The following GRIN2B variants were observed in gnomAD, a reference collection of about 807,000 sequenced individuals.
The protein encoded by GRIN2B is glutamate ionotropic receptor NMDA type subunit 2B.
A neutral mutation model predicts 114.5 loss-of-function variants in GRIN2B; 5 were observed. The ratio of observed to expected loss-of-function variants is 0.04; its 90% CI spans 0.02 to 0.09. The LOEUF (loss-of-function observed/expected upper bound fraction) is 0.09, where lower values mean the gene tolerates loss of function less well. GRIN2B is among the 10% of genes least tolerant of loss of function. GRIN2B has a pLI of 1.00. For missense variants in GRIN2B, 1,108 were observed against 1,943.5 expected, an observed-to-expected ratio of 0.57 and a Z score of 8.08; for synonymous variants, 787 against 745.1, an observed-to-expected ratio of 1.06 and a Z score of -0.92.
chr12:13,875,675 A>G (rs971137115), intron 2 of GRIN2B, among the ~76,000 whole-genome samples: 2 of 152,134 alleles, frequency 1.3e-5, no homozygotes, highest in Non-Finnish European at 2.9e-5. Flanking sequence ...AATAATAATC[A>G]TGTTGTTTTG....
intron 3 of GRIN2B, among the ~76,000 whole-genome samples, chr12:13,782,718 C>T (rs948814768): frequency 1.4e-4 from 22 of 152,278 alleles, no homozygotes; most frequent in South Asian, 4.1e-4. Context: ...TTCACTCAGG[C>T]GAATCAAACT....
At chr12:13,568,489 G>T (rs1385432999) in intron 12 of GRIN2B, among the ~76,000 whole-genome samples, 2 of 152,120 alleles carry the variant, frequency 1.3e-5, no homozygotes, top group African/African-American at 4.8e-5. Context: ...ATACCAAAAT[G>T]GCTTGGTAAC....
At chr12:13,614,558 G>C (rs918303773) in intron 8 of GRIN2B, among the ~76,000 whole-genome samples, 1 of 152,000 alleles carries the variant, frequency 6.6e-6, no homozygotes, top group African/African-American at 2.4e-5. Context: ...GGAGAGAATG[G>C]TATGGGGAGG....
chr12:13,564,451 T>A lies in GRIN2B; in HGVS notation c.2787A>T (p.Ser929=). The A allele has an allele frequency of 6.2e-7, 1 of 1,614,242 alleles. No homozygotes were observed. The highest frequency in any genetic ancestry group is 8.5e-7 in the Non-Finnish European group (1 of 1,180,026). ...GGTGCTCTGAGATGTCATAGACGGATGACTCCCGTCGGATGAAGTCCAGGG... is the reference window on the plus strand; with the variant it reads ...GGTGCTCTGAGATGTCATAGACGGAAGACTCCCGTCGGATGAAGTCCAGGG... ...QSALDFIRRE[S]SVYDISEHRR... is the part of the protein sequence containing the mutation. The change falls in exon 14 of 14, where the codon TCA becomes TCT. Residue 929 remains serine, a synonymous_variant. Transcript: ENST00000609686. The surrounding 1 kb of genome is among the most constrained non-coding windows in gnomAD (Gnocchi z 4.8).
chr12:13,952,410 T>C (rs1321855049), intron 2 of GRIN2B, among the ~76,000 whole-genome samples: 1 of 152,180 alleles, frequency 6.6e-6, no homozygotes, highest in Non-Finnish European at 1.5e-5. Context: ...TCCTCCTGAA[T>C]GGCATTACAG....
chr12:13,867,811 C>G (rs1420271711), intron 2 of GRIN2B, among the ~76,000 whole-genome samples: 2 of 150,916 alleles, frequency 1.3e-5, no homozygotes, highest in East Asian at 3.9e-4. Flanking sequence ...CAACCAGAAC[C>G]AAAACCAGAT....
At chr12:13,665,322 G>C (rs560493534) in intron 5 of GRIN2B, among the ~76,000 whole-genome samples, 2 of 151,644 alleles carry the variant, frequency 1.3e-5, no homozygotes, top group Non-Finnish European at 2.9e-5. Flanking sequence ...CACTGAAATA[G>C]CCAGTCACAG....
chr12:13,809,829 GTACTCT>G (rs1480589208), intron 3 of GRIN2B, among the ~76,000 whole-genome samples: 1 of 152,192 alleles, frequency 6.6e-6, no homozygotes, highest in Non-Finnish European at 1.5e-5. Context: ...AGCAATCAGA[GTACTCT>G]TTTGTAAACA....
At chr12:13,784,969 T>C (rs975237032) in intron 3 of GRIN2B, among the ~76,000 whole-genome samples, 15 of 152,264 alleles carry the variant, frequency 9.9e-5, no homozygotes, top group Non-Finnish European at 1.5e-5. Flanking sequence ...GCCAGTAAGT[T>C]TTGTATATTT....
chr12:13,788,504 G>C (rs1864258537), intron 3 of GRIN2B, among the ~76,000 whole-genome samples: 1 of 152,122 alleles, frequency 6.6e-6, no homozygotes, highest in South Asian at 2.1e-4. Context: ...GCTCACAAGA[G>C]AGCCTTGGAA....
chr12:13,671,804 C>T (rs1370829108), intron 5 of GRIN2B, among the ~76,000 whole-genome samples: 2 of 152,116 alleles, frequency 1.3e-5, no homozygotes, highest in Non-Finnish European at 2.9e-5. Flanking sequence ...ACACTGAAGG[C>T]AAGCACTCTT....
chr12:13,755,575 G>A (rs557357735), intron 3 of GRIN2B, among the ~76,000 whole-genome samples: 1 of 152,312 alleles, frequency 6.6e-6, no homozygotes, highest in African/African-American at 2.4e-5. Context: ...GAGGCACCAA[G>A]AATAGGTGAG....
intron 3 of GRIN2B, among the ~76,000 whole-genome samples, chr12:13,863,035 C>T (rs896716147): frequency 6.6e-6 from 1 of 152,182 alleles, no homozygotes; most frequent in Non-Finnish European, 1.5e-5. Context: ...ATCTAAAAGT[C>T]ACTGCCCACC....
At chr12:13,632,030 C>A (rs957526425) in intron 5 of GRIN2B, among the ~76,000 whole-genome samples, 3 of 152,182 alleles carry the variant, frequency 2.0e-5, no homozygotes, top group Non-Finnish European at 4.4e-5. Flanking sequence ...TACTAGACTT[C>A]CCCTCCAACT....
rs201095094 is a variant in GRIN2B at position 13,608,738 on chromosome 12, C to G, written c.1875G>C (p.Gly625=). Residue 625 remains glycine, a synonymous_variant, in exon 10 of 14, where the codon GGG becomes GGC. Coordinates refer to ENST00000609686, the MANE Select transcript of GRIN2B (RefSeq NM_000834.5). ...CTGACACCATGATCTTGGAGGTGGT[C>G]CCCTTTGGGTTCTGCACAGGTACGG... is the stretch of plus-strand genomic sequence containing the variant. ...NNSVPVQNPK[G]TTSKIMVSVW... The G allele has an allele frequency of 1.2e-5, 20 of 1,613,950 alleles. No homozygotes were observed. In the African/African-American group the frequency reaches 2.4e-4, roughly 19 times the overall value.
At chr12:13,579,301 T>C (rs1948815034) in intron 10 of GRIN2B, among the ~76,000 whole-genome samples, 1 of 152,098 alleles carries the variant, frequency 6.6e-6, no homozygotes, top group Admixed American at 6.5e-5. Flanking sequence ...CAAAGGAGTT[T>C]AGAGTTCATA....
intron 3 of GRIN2B, among the ~76,000 whole-genome samples, chr12:13,855,804 G>A (rs1292995778): frequency 3.3e-5 from 5 of 152,132 alleles, no homozygotes; most frequent in African/African-American, 1.2e-4. Context: ...TGGTTCCAAG[G>A]GTTAAGACAT....
chr12:13,670,675 A>G (rs1950014950), intron 5 of GRIN2B, among the ~76,000 whole-genome samples: 1 of 152,132 alleles, frequency 6.6e-6, no homozygotes, highest in African/African-American at 2.4e-5. Flanking sequence ...GAGCCTTACA[A>G]ATGAGCCCAG....
intron 2 of GRIN2B, among the ~76,000 whole-genome samples, chr12:13,915,341 C>G (rs888709687): frequency 3.8e-4 from 58 of 152,346 alleles, no homozygotes; most frequent in African/African-American, 1.4e-3. Context: ...TTCCTCTTCA[C>G]TAGCTATGTT....
Sources: allele counts gnomAD v4.1 joint callset (sites outside exome capture counted in the v4.1 genomes callset), GRCh38; gene constraint gnomAD v4.1.1; non-coding constraint Gnocchi (gnomAD v3.1); transcripts MANE v1.5; gene names NCBI Gene and HGNC (gene_info 2026-07-23, HGNC 2026-07-21).